XRCC4: variants seen among roughly 807,000 people sequenced by gnomAD.
XRCC4 encodes X-ray repair cross complementing 4.
In XRCC4, 28 loss-of-function variants were observed where a neutral mutation model predicts 39.1. The ratio of observed to expected loss-of-function variants is 0.72; its 90% CI spans 0.53 to 0.98. The LOEUF (loss-of-function observed/expected upper bound fraction) is 0.98. XRCC4 is among the 50% of genes least tolerant of loss of function. The pLI is 0.00. For missense variants in XRCC4, 350 were observed against 376.4 expected, an observed-to-expected ratio of 0.93 and a Z score of 0.58; for synonymous variants, 123 against 126.4, an observed-to-expected ratio of 0.97 and a Z score of 0.18.
At chr5:83,306,472 C>T (rs746903474) in intron 7 of XRCC4, among the ~76,000 whole-genome samples, 48 of 148,216 alleles carry the variant, frequency 3.2e-4, no homozygotes, top group Non-Finnish European at 5.9e-4. Flanking sequence ...TAGAAACATT[C>T]AACTTATCAA....
intron 3 of XRCC4, among the ~76,000 whole-genome samples, chr5:83,123,645 TTTA>T (rs1218469921): frequency 6.6e-6 from 1 of 152,076 alleles, no homozygotes; most frequent in Non-Finnish European, 1.5e-5. Flanking sequence ...TTAAGTATTT[TTTA>T]TTATTCTTTT....
chr5:83,171,721 T>G (rs1749735508), intron 3 of XRCC4, among the ~76,000 whole-genome samples: 1 of 152,180 alleles, frequency 6.6e-6, no homozygotes, highest in South Asian at 2.1e-4. Context: ...TGCCTTAGCC[T>G]AGCATTCATG....
chr5:83,323,959 G>T (rs1225878509), intron 7 of XRCC4, among the ~76,000 whole-genome samples: 1 of 152,034 alleles, frequency 6.6e-6, no homozygotes, highest in African/African-American at 2.4e-5. Context: ...GAGATGATAG[G>T]ATAAGTTTAT....
intron 6 of XRCC4, among the ~76,000 whole-genome samples, chr5:83,227,739 C>G (rs916365029): frequency 6.6e-6 from 1 of 152,050 alleles, no homozygotes; most frequent in African/African-American, 2.4e-5. Context: ...ATAATGTCAT[C>G]ATGCACTCAA....
chr5:83,279,197 A>G (rs1048754284), intron 7 of XRCC4, among the ~76,000 whole-genome samples: 13 of 151,372 alleles, frequency 8.6e-5, no homozygotes, highest in African/African-American at 2.7e-4. Flanking sequence ...ATACATATCA[A>G]TCAACTTATC....
chr5:83,270,352 T>C (rs1026313991), intron 7 of XRCC4, among the ~76,000 whole-genome samples: 1 of 152,168 alleles, frequency 6.6e-6, no homozygotes, highest in Non-Finnish European at 1.5e-5. Flanking sequence ...AGAGTTATCT[T>C]TAGCTTCTTC....
chr5:83,238,288 T>C (rs1034832279), intron 6 of XRCC4, among the ~76,000 whole-genome samples: 1 of 152,156 alleles, frequency 6.6e-6, no homozygotes, highest in African/African-American at 2.4e-5. Flanking sequence ...GTATGTATGA[T>C]TTACCTTATT....
intron 7 of XRCC4, among the ~76,000 whole-genome samples, chr5:83,294,985 G>A (rs1190690221): frequency 6.6e-6 from 1 of 151,922 alleles, no homozygotes; most frequent in Non-Finnish European, 1.5e-5. Context: ...TGGAGTTCTG[G>A]AGCATCATAT....
chr5:83,207,519 GA>G (rs1173235160), intron 6 of XRCC4, among the ~76,000 whole-genome samples: 2 of 151,880 alleles, frequency 1.3e-5, no homozygotes, highest in Non-Finnish European at 2.9e-5. Context: ...TCGATGTCAA[GA>G]ATTAATAGCA....
chr5:83,256,521 A>G (rs770779214), intron 6 of XRCC4, among the ~76,000 whole-genome samples: 23 of 152,092 alleles, frequency 1.5e-4, no homozygotes, highest in Non-Finnish European at 2.6e-4. Context: ...TATAACTGAA[A>G]TGTCCTCTAC....
At chr5:83,248,859 T>A (rs1415668709) in intron 6 of XRCC4, among the ~76,000 whole-genome samples, 1 of 152,056 alleles carries the variant, frequency 6.6e-6, no homozygotes, top group Non-Finnish European at 1.5e-5. Flanking sequence ...TTGTTGAAAA[T>A]TTTGAAAAAT....
rs184480245 is a variant in XRCC4, at chr5:83,260,063, T to A, written c.893+1386T>A. Among the ~76,000 whole-genome samples, 16 of 152,218 alleles carry A rather than the reference T, an allele frequency of 1.1e-4. No individual in the cohort carries two copies. The East Asian group carries it at 2.9e-3, about 28-fold the overall frequency. Reference sequence around the variant, plus strand: ...ACTTAAAAATGCTATCTCCATACTATGCTGTATCCCTAATGTCTTCAGACA... The same window carrying A: ...ACTTAAAAATGCTATCTCCATACTAAGCTGTATCCCTAATGTCTTCAGACA... On this transcript the variant is annotated intron_variant, in intron 7 of 7. Coordinates refer to ENST00000396027, the MANE Select transcript of XRCC4 (RefSeq NM_003401.5).
intron 6 of XRCC4, among the ~76,000 whole-genome samples, chr5:83,214,846 AAAT>A (rs1260907857): frequency 1.9e-4 from 24 of 125,378 alleles, no homozygotes; most frequent in South Asian, 2.6e-4. Flanking sequence ...CAAAAAAAAA[AAAT>A]AATAATAATA....
chr5:83,294,294 A>G (rs961821774), intron 7 of XRCC4, among the ~76,000 whole-genome samples: 1 of 152,042 alleles, frequency 6.6e-6, no homozygotes. Context: ...ATATAATTGA[A>G]AGACAATGAG....
intron 6 of XRCC4, among the ~76,000 whole-genome samples, chr5:83,224,070 T>C (rs1416267148): frequency 1.3e-5 from 2 of 152,058 alleles, no homozygotes; most frequent in Admixed American, 1.3e-4. Context: ...GAATAGCGTT[T>C]TTTAAAATCC....
rs190319622 is a variant in XRCC4 at position 83,163,857 on chromosome 5, C to T, written c.316-31913C>T. Among the ~76,000 whole-genome samples the T allele has an allele frequency of 2.5e-3, 376 of 152,230 alleles. 4 individuals are homozygous for T. The highest frequency in any genetic ancestry group is 4.2e-3 in the Non-Finnish European group (286 of 67,996). ...TAGGGAATACTGAAAATGCTCTTAG[C>T]TTGAGATGTAGCAAATTGTATCAGA... On this transcript the variant is annotated intron_variant, in intron 3 of 7. Transcript: ENST00000396027.
chr5:83,145,188 C>G lies in XRCC4; in HGVS notation c.315+33985C>G, dbSNP rs1748394874. On this transcript the variant is annotated intron_variant, in intron 3 of 7. Coordinates refer to ENST00000396027, the MANE Select transcript of XRCC4 (RefSeq NM_003401.5). ...GGGCTTACAGGCATGAACCACCACG[C>G]TCGGCTCATAAATTATTTTTAATCC... is the stretch of plus-strand genomic sequence containing the variant. 2.0e-5 allele frequency among the ~76,000 whole-genome samples: 3 copies of G among 152,342 alleles called. No homozygotes were observed. In the South Asian group the frequency reaches 6.2e-4, roughly 32 times the overall value.
At chr5:83,232,457 C>T (rs542817098) in intron 6 of XRCC4, among the ~76,000 whole-genome samples, 1 of 152,156 alleles carries the variant, frequency 6.6e-6, no homozygotes, top group Admixed American at 6.6e-5. Context: ...TGGGACTGCT[C>T]CACAAAGGTC....
chr5:83,113,723 T>C (rs769594582), intron 3 of XRCC4, among the ~76,000 whole-genome samples: 3 of 151,678 alleles, frequency 2.0e-5, no homozygotes, highest in Non-Finnish European at 2.9e-5. Context: ...GCCTCCTGGG[T>C]TCATGCCATT....
Sources: gnomAD v4.1 joint callset for allele counts (sites outside exome capture counted in the v4.1 genomes callset) on GRCh38, gnomAD v4.1.1 for gene constraint, MANE v1.5 for transcripts, NCBI Gene and HGNC (gene_info 2026-07-23, HGNC 2026-07-21) for gene names.